MID1: variants seen among roughly 807,000 people sequenced by gnomAD.
The protein encoded by MID1 is E3 ubiquitin-protein ligase Midline-1.
In MID1, 7 loss-of-function variants were observed where a neutral mutation model predicts 40.4. The observed-to-expected ratio is 0.17, with a 90% confidence interval of 0.10 to 0.33. MID1 has a LOEUF of 0.33. Among genes scored for constraint, MID1 ranks in the 10% least tolerant of loss-of-function variants. MID1 has a pLI of 1.00. For synonymous variants in MID1, 229 were observed against 221.2 expected (o/e 1.04, Z -0.31); for missense variants, 367 against 558.5 (o/e 0.66, Z 3.46).
intron 1 of MID1, among the ~76,000 whole-genome samples, chrX:10,577,265 C>T (rs1257244951): frequency 8.9e-6 from 1 of 111,951 alleles, no homozygotes; most frequent in Non-Finnish European, 1.9e-5. Flanking sequence ...CCAATAGGAG[C>T]CGTCCTGCCC....
chrX:10,620,512 T>A lies in MID1; in HGVS notation c.-279A>T, dbSNP rs760923770. ...GAGACAATGTCAAGTTTCTCAACCT[T>A]TTCTCCCCCAGCCTATGAAAAGTCG... is the stretch of plus-strand genomic sequence containing the variant. On this transcript the variant is annotated 5_prime_UTR_variant, in exon 1 of 10. Transcript: ENST00000317552. 8.9e-6 allele frequency: 1 copy of A among 112,497 alleles called. No individual in the cohort carries two copies. Among genetic ancestry groups the A allele is most frequent in the East Asian group, 2.8e-4 (1 of 3,570 alleles). The allele number at this position is 112,497 out of a possible 1,213,427, so 9.3% of individuals were successfully genotyped here. A position where few individuals can be genotyped will look rare whatever the true frequency, so the allele number is the denominator to read the frequency against.
intron 1 of MID1, among the ~76,000 whole-genome samples, chrX:10,752,441 T>C (rs2043606097): frequency 1.8e-5 from 2 of 111,973 alleles, no homozygotes; most frequent in South Asian, 3.8e-4. Context: ...GTGCCTCACA[T>C]TGGTACCTAA....
At chrX:10,819,880 T>C (rs866160854) in intron 1 of MID1, among the ~76,000 whole-genome samples, 2 of 112,080 alleles carry the variant, frequency 1.8e-5, no homozygotes, top group Non-Finnish European at 3.8e-5. Flanking sequence ...TCAGTACGTA[T>C]AGGCATGTCT....
chrX:10,560,270 C>T (rs531269031), intron 2 of MID1, among the ~76,000 whole-genome samples: 1 of 109,961 alleles, frequency 9.1e-6, no homozygotes, highest in Non-Finnish European at 1.9e-5. Flanking sequence ...ATTTCACTCT[C>T]GGCAAAAAAA....
chrX:10,517,302 C>T (rs1246807366), intron 3 of MID1, among the ~76,000 whole-genome samples: 1 of 111,694 alleles, frequency 9.0e-6, no homozygotes, highest in Admixed American at 9.4e-5. Flanking sequence ...GAAGTACCAT[C>T]TAGGAACCAA....
At chrX:10,733,657 G>A (rs141691074) in intron 1 of MID1, among the ~76,000 whole-genome samples, 370 of 111,400 alleles carry the variant, frequency 3.3e-3, no homozygotes, top group Non-Finnish European at 5.2e-3. Flanking sequence ...CAATAAAAAC[G>A]AGCAAACATG....
chrX:10,488,615 C>T (rs1930752962), intron 4 of MID1, among the ~76,000 whole-genome samples: 1 of 111,469 alleles, frequency 9.0e-6, no homozygotes, highest in Admixed American at 9.5e-5. Flanking sequence ...TACTGAGTGC[C>T]AACTTGATTG....
In MID1 at chrX:10,521,869, T is replaced by TGA. The variant is rs1207181280; in HGVS notation, c.756+1222_756+1223insTC. Among the ~76,000 whole-genome samples the TGA allele has an allele frequency of 8.9e-5, 10 of 112,499 alleles. No homozygotes were observed. In the East Asian group the frequency reaches 2.8e-3, roughly 32 times the overall value. ...GTTTTTTCTTTTTTGAGACAAGGTCTCACTCTGTCGCCTAGGCTGGAGTGC... is the reference window on the plus strand; with the variant it reads ...GTTTTTTCTTTTTTGAGACAAGGTCTGACACTCTGTCGCCTAGGCTGGAGTGC... On this transcript the variant is annotated intron_variant, in intron 3 of 9. Transcript: ENST00000317552.
intron 1 of MID1, among the ~76,000 whole-genome samples, chrX:10,590,905 G>C (rs192667858): frequency 3.6e-5 from 4 of 110,980 alleles, no homozygotes; most frequent in African/African-American, 1.3e-4. Context: ...CATCTTATTT[G>C]TTTATTTAAA....
intron 2 of MID1, among the ~76,000 whole-genome samples, chrX:10,528,523 C>G (rs1243427379): frequency 8.9e-6 from 1 of 111,837 alleles, no homozygotes. Context: ...GACACAATGA[C>G]TCAATTCTGC....
At chrX:10,817,556 CTT>C (rs2044146067) in intron 1 of MID1, among the ~76,000 whole-genome samples, 2 of 95,930 alleles carry the variant, frequency 2.1e-5, no homozygotes, top group Non-Finnish European at 4.1e-5. Context: ...TTCTTTCTTT[CTT>C]TCTTTCTTTC....
At position 10,526,948 on chromosome X, in the gene MID1, C is replaced by G. The variant is rs145994279; in HGVS notation, c.661-3761G>C. On this transcript the variant is annotated intron_variant, in intron 2 of 9. Coordinates refer to ENST00000317552, the MANE Select transcript of MID1 (RefSeq NM_000381.4). Reference sequence around the variant, plus strand: ...AATGGGAAGATAACAAAATCCAGTCCTTAATGAGCCATGCACCCATAAGCT... The same window carrying G: ...AATGGGAAGATAACAAAATCCAGTCGTTAATGAGCCATGCACCCATAAGCT... 4.1e-3 allele frequency among the ~76,000 whole-genome samples: 457 copies of G among 111,169 alleles called. 1 individual carries two copies. Among genetic ancestry groups the G allele is most frequent in the African/African-American group, 0.014 (438 of 30,659 alleles).
At chrX:10,626,311 C>CTATTATTATTATTATTAT (rs772195870) in intron 1 of MID1, among the ~76,000 whole-genome samples, 25 of 101,842 alleles carry the variant, frequency 2.5e-4, no homozygotes, top group Admixed American at 5.3e-4. Context: ...TCATATGAAA[C>CTATTATTATTATTATTAT]TATTATTATT....
chrX:10,728,083 G>A (rs1005153939), intron 1 of MID1, among the ~76,000 whole-genome samples: 3 of 112,170 alleles, frequency 2.7e-5, no homozygotes, highest in African/African-American at 9.7e-5. Flanking sequence ...TTCTGTGTAA[G>A]TGAAGTGTTT....
At chrX:10,557,481 C>T (rs1934168635) in intron 2 of MID1, among the ~76,000 whole-genome samples, 2 of 111,918 alleles carry the variant, frequency 1.8e-5, no homozygotes, top group African/African-American at 6.5e-5. Context: ...AGGAAAGACA[C>T]AAAACTGGAC....
rs963722935 is a variant in MID1 at position 10,732,867 on chromosome X, T to C, written c.-187+100687A>G. 5.6e-4 allele frequency among the ~76,000 whole-genome samples: 51 copies of C among 90,304 alleles called. 1 individual carries two copies. Among genetic ancestry groups the C allele is most frequent in the East Asian group, 3.1e-3 (10 of 3,240 alleles). 78.4% of individuals were successfully genotyped at this position (90,304 alleles called of 115,157 possible). A position where few individuals can be genotyped will look rare whatever the true frequency, so the allele number is the denominator to read the frequency against. Reference sequence around the variant, plus strand: ...GATTTTCTTCTTCTTCTTCTTCTTTTTTTTTTTTTTTTTTTGAGAGGGAGT... The same window carrying C: ...GATTTTCTTCTTCTTCTTCTTCTTTCTTTTTTTTTTTTTTTGAGAGGGAGT... On this transcript the variant is annotated intron_variant, in intron 1 of 10. Coordinates refer to the MID1 transcript ENST00000380785.
At chrX:10,563,096 A>G (rs1934403976) in intron 2 of MID1, among the ~76,000 whole-genome samples, 1 of 111,967 alleles carries the variant, frequency 8.9e-6, no homozygotes, top group African/African-American at 3.2e-5. Context: ...CTTACAATCT[A>G]TAAATTAAAC....
intron 1 of MID1, among the ~76,000 whole-genome samples, chrX:10,596,298 G>C (rs181374158): frequency 2.5e-3 from 273 of 111,247 alleles, no homozygotes; most frequent in African/African-American, 7.6e-3. Flanking sequence ...ACTTCCACGA[G>C]TTCACTCACC....
intron 1 of MID1, among the ~76,000 whole-genome samples, chrX:10,659,682 G>T (rs567188643): frequency 6.0e-4 from 67 of 111,543 alleles, no homozygotes; most frequent in African/African-American, 1.9e-3. Context: ...CTTAAAAAAG[G>T]GGGGTGGGGG....
Sources: gnomAD v4.1 joint callset for allele counts (sites outside exome capture counted in the v4.1 genomes callset) on GRCh38, gnomAD v4.1.1 for gene constraint, MANE v1.5 for transcripts, NCBI Gene and HGNC (gene_info 2026-07-23, HGNC 2026-07-21) for gene names.